Variants in LYN observed in about 807,000 individuals in gnomAD.
LYN encodes the protein tyrosine-protein kinase Lyn.
In LYN, 12 loss-of-function variants were observed where a neutral mutation model predicts 65.0. The ratio of observed to expected loss-of-function variants is 0.18; its 90% confidence interval spans 0.12 to 0.30. The LOEUF is 0.30. LYN is among the 10% of genes least tolerant of loss of function. The pLI is 1.00. For synonymous variants in LYN, 222 were observed against 221.2 expected, an observed-to-expected ratio of 1.00 and a Z score of -0.03; for missense variants, 380 against 623.2, an observed-to-expected ratio of 0.61 and a Z score of 4.16.
chr8:55,973,871 A>G (rs1046317555), intron 10 of LYN, among the ~76,000 whole-genome samples: 5 of 152,258 alleles, frequency 3.3e-5, no homozygotes, highest in South Asian at 2.1e-4. Context: ...GCTTGAGGCC[A>G]GAAGTTCAGG....
At chr8:55,881,435 T>A (rs1289864187) in intron 1 of LYN, among the ~76,000 whole-genome samples, 1 of 152,254 alleles carries the variant, frequency 6.6e-6, no homozygotes, top group East Asian at 1.9e-4. Flanking sequence ...AACCCAGGCC[T>A]TACTAAGCCC....
chr8:55,893,053 G>A (rs1198818622), intron 1 of LYN, among the ~76,000 whole-genome samples: 1 of 152,044 alleles, frequency 6.6e-6, no homozygotes, highest in African/African-American at 2.4e-5. Flanking sequence ...CATTTGGTTT[G>A]GCAAATAAAC....
intron 10 of LYN, among the ~76,000 whole-genome samples, chr8:55,993,631 A>G (rs1350942640): frequency 1.3e-5 from 2 of 152,182 alleles, no homozygotes; most frequent in Non-Finnish European, 2.9e-5. Flanking sequence ...AGTAAAACCT[A>G]CCTGGTCAAT....
At chr8:55,892,387 T>C (rs1159234931) in intron 1 of LYN, among the ~76,000 whole-genome samples, 2 of 152,128 alleles carry the variant, frequency 1.3e-5, no homozygotes, top group Non-Finnish European at 1.5e-5. Flanking sequence ...GCCGTTGGAC[T>C]CCTGCCTGGG....
intron 1 of LYN, among the ~76,000 whole-genome samples, chr8:55,938,106 G>A (rs2130465796): frequency 6.6e-6 from 1 of 152,324 alleles, no homozygotes; most frequent in East Asian, 1.9e-4. Context: ...GAATGAGGAT[G>A]AGCCACCCCT....
intron 10 of LYN, among the ~76,000 whole-genome samples, chr8:55,973,604 A>C (rs544956427): frequency 6.6e-6 from 1 of 152,352 alleles, no homozygotes; most frequent in East Asian, 1.9e-4. Context: ...GGAATCATAG[A>C]CATGTCAAAC....
At chr8:55,899,277 G>T (rs569617136) in intron 1 of LYN, among the ~76,000 whole-genome samples, 2 of 152,292 alleles carry the variant, frequency 1.3e-5, no homozygotes, top group African/African-American at 4.8e-5. Flanking sequence ...GGAAACAGAT[G>T]CTTGGGGATA....
chr8:55,940,847 GT>G (rs1395384988), intron 1 of LYN, among the ~76,000 whole-genome samples: 2 of 152,186 alleles, frequency 1.3e-5, no homozygotes, highest in Non-Finnish European at 2.9e-5. Flanking sequence ...ACCGTGTGTT[GT>G]TCTGCCCTGG....
intron 1 of LYN, among the ~76,000 whole-genome samples, chr8:55,915,479 C>T (rs552197751): frequency 5.9e-5 from 9 of 152,140 alleles, no homozygotes; most frequent in Non-Finnish European, 8.8e-5. Context: ...CCAAGGCAGG[C>T]GGATCACCTG....
chr8:55,890,867 A>G (rs1360389783), intron 1 of LYN, among the ~76,000 whole-genome samples: 1 of 151,730 alleles, frequency 6.6e-6, no homozygotes, highest in African/African-American at 2.4e-5. Flanking sequence ...AGCTGAGACT[A>G]CAGGTGCATG....
intron 1 of LYN, among the ~76,000 whole-genome samples, chr8:55,925,677 A>C (rs1013625839): frequency 3.3e-5 from 5 of 152,222 alleles, no homozygotes; most frequent in Non-Finnish European, 7.3e-5. Flanking sequence ...ACACCAAGGC[A>C]TCAGAATGGA....
At chr8:55,994,942 T>C (rs987563805) in intron 10 of LYN, among the ~76,000 whole-genome samples, 2 of 152,220 alleles carry the variant, frequency 1.3e-5, no homozygotes, top group Non-Finnish European at 2.9e-5. Context: ...TACTGTGTTA[T>C]AATCGTACAC....
At chr8:56,004,630 C>T (rs192349759) in intron 12 of LYN, among the ~76,000 whole-genome samples, 7 of 152,214 alleles carry the variant, frequency 4.6e-5, no homozygotes, top group Non-Finnish European at 7.4e-5. Flanking sequence ...CCCATGCCTG[C>T]GGGTGCTCCT....
intron 1 of LYN, among the ~76,000 whole-genome samples, chr8:55,930,222 A>G (rs1477575666): frequency 6.6e-6 from 1 of 152,234 alleles, no homozygotes; most frequent in Admixed American, 6.5e-5. Context: ...TTTGCCATCT[A>G]TAGCTAATAA....
intron 1 of LYN, among the ~76,000 whole-genome samples, chr8:55,927,900 T>TA (rs942087577): frequency 3.3e-5 from 5 of 152,062 alleles, no homozygotes; most frequent in Non-Finnish European, 5.9e-5. Flanking sequence ...TGTGTGTACA[T>TA]ACGTTTTCAA....
intron 1 of LYN, among the ~76,000 whole-genome samples, chr8:55,913,753 G>GT (rs1805705660): frequency 6.6e-6 from 1 of 152,184 alleles, no homozygotes; most frequent in African/African-American, 2.4e-5. Flanking sequence ...ATTCGGCACA[G>GT]TTTTTATGGA....
chr8:55,913,520 A>G (rs1805699128), intron 1 of LYN, among the ~76,000 whole-genome samples: 1 of 152,204 alleles, frequency 6.6e-6, no homozygotes, highest in Non-Finnish European at 1.5e-5. Flanking sequence ...AATTTCAACT[A>G]CATTAAAGGT....
chr8:55,942,371 ATATATATGTGTATATATATATGTG>A (rs1806644206), intron 2 of LYN, among the ~76,000 whole-genome samples: 4 of 139,232 alleles, frequency 2.9e-5, no homozygotes, highest in African/African-American at 1.1e-4. Flanking sequence ...ATATATGTGT[ATATATATGTGTATATATATATGTG>A]TATATATGTG....
intron 8 of LYN, among the ~76,000 whole-genome samples, chr8:55,959,811 G>A (rs1164354307): frequency 6.6e-6 from 1 of 151,368 alleles, no homozygotes; most frequent in Non-Finnish European, 1.5e-5. Context: ...TGGAGTATTT[G>A]GCAATAAAAA....
Sources: gnomAD v4.1 joint callset for allele counts (sites outside exome capture counted in the v4.1 genomes callset) on GRCh38, gnomAD v4.1.1 for gene constraint, MANE v1.5 for transcripts, NCBI Gene and HGNC (gene_info 2026-07-23, HGNC 2026-07-21) for gene names.